Variants in KCNMA1 observed in about 807,000 individuals in gnomAD.
KCNMA1 encodes Calcium-activated potassium channel subunit alpha-1.
A neutral mutation model predicts 140.0 loss-of-function variants in KCNMA1; 29 were observed. The ratio of observed to expected loss-of-function variants is 0.21; its 90% CI spans 0.15 to 0.28. The LOEUF (loss-of-function observed/expected upper bound fraction) is 0.28. Ranked by LOEUF, KCNMA1 falls within the 10% of genes least tolerant of loss-of-function variation. The probability of loss-of-function intolerance (pLI) is 1.00; values close to 1 mark genes in which losing one functional copy is unlikely to be tolerated. For missense variants in KCNMA1, 880 were observed against 1,602.2 expected (o/e 0.55, Z 7.70); for synonymous variants, 612 against 611.9 (o/e 1.00, Z 0.00).
At chr10:77,327,033 C>A (rs2154361362) in intron 2 of KCNMA1, among the ~76,000 whole-genome samples, 1 of 152,256 alleles carries the variant, frequency 6.6e-6, no homozygotes, top group Non-Finnish European at 1.5e-5. Flanking sequence ...ATCCAACCAA[C>A]AGAACGCCAG....
In KCNMA1 at chr10:77,463,997, A is replaced by C. The variant is rs1434068126; in HGVS notation, c.379-59974T>G. 3.3e-5 allele frequency among the ~76,000 whole-genome samples: 5 copies of C among 152,134 alleles called. No homozygotes were observed. In the East Asian group the frequency reaches 9.6e-4, roughly 29 times the overall value. On this transcript the variant is annotated intron_variant, in intron 1 of 27. Coordinates refer to ENST00000286628, the MANE Select transcript of KCNMA1 (RefSeq NM_001161352.2). ...TCTGCATCACCAGGGCTCTCATCAGAAAAACAGAATCTCAGACCCCACCCT... is the reference window on the plus strand; with the variant it reads ...TCTGCATCACCAGGGCTCTCATCAGCAAAACAGAATCTCAGACCCCACCCT...
At chr10:76,967,208 C>A (rs1180927758) in intron 20 of KCNMA1, among the ~76,000 whole-genome samples, 2 of 152,164 alleles carry the variant, frequency 1.3e-5, no homozygotes, top group African/African-American at 4.8e-5. Flanking sequence ...CTAAAACCTG[C>A]CCGCATTCAG....
chr10:77,037,719 C>T (rs952118265), intron 15 of KCNMA1, among the ~76,000 whole-genome samples: 1 of 152,200 alleles, frequency 6.6e-6, no homozygotes, highest in Non-Finnish European at 1.5e-5. Context: ...CCCGCAGGCG[C>T]TGGCAGCTCT....
chr10:77,392,474 C>A (rs1258717334), intron 2 of KCNMA1, among the ~76,000 whole-genome samples: 1 of 152,222 alleles, frequency 6.6e-6, no homozygotes, highest in African/African-American at 2.4e-5. Context: ...TGACTTATCA[C>A]TAAACCCTAC....
intron 19 of KCNMA1, among the ~76,000 whole-genome samples, chr10:76,985,435 C>A (rs182637321): frequency 1.5e-3 from 222 of 152,322 alleles, no homozygotes; most frequent in Non-Finnish European, 2.7e-3. Context: ...TTAGAGGAAA[C>A]TATTTTGCAG....
intron 1 of KCNMA1, among the ~76,000 whole-genome samples, chr10:77,460,880 C>T (rs954031008): frequency 6.6e-6 from 1 of 152,030 alleles, no homozygotes; most frequent in South Asian, 2.1e-4. Context: ...CCGAGGTGGG[C>T]GGATCACCTG....
intron 1 of KCNMA1, among the ~76,000 whole-genome samples, chr10:77,539,242 T>C (rs937811714): frequency 1.1e-3 from 168 of 152,352 alleles, no homozygotes; most frequent in African/African-American, 3.9e-3. Context: ...GCTAGCATGA[T>C]AGGTACTAAC....
intron 15 of KCNMA1, among the ~76,000 whole-genome samples, chr10:77,031,949 A>C (rs986253706): frequency 2.6e-5 from 4 of 152,230 alleles, no homozygotes; most frequent in African/African-American, 9.6e-5. Flanking sequence ...CAAACTAGGA[A>C]AGTCTATGCA....
chr10:77,266,685 C>T (rs1182625835), intron 2 of KCNMA1, among the ~76,000 whole-genome samples: 3 of 152,142 alleles, frequency 2.0e-5, no homozygotes, highest in Admixed American at 2.0e-4. Context: ...CTACTTCACC[C>T]AAGGGACCTC....
chr10:77,588,735 G>A (rs986345045), intron 1 of KCNMA1, among the ~76,000 whole-genome samples: 5 of 152,352 alleles, frequency 3.3e-5, no homozygotes, highest in Middle Eastern at 3.4e-3. Flanking sequence ...GGAGCACAAA[G>A]TGGCCAAACA....
chr10:77,436,474 G>A (rs2097264450), intron 1 of KCNMA1, among the ~76,000 whole-genome samples: 1 of 152,382 alleles, frequency 6.6e-6, no homozygotes, highest in African/African-American at 2.4e-5. Context: ...AAAACTTGCA[G>A]AGAAAGGAAG....
intron 1 of KCNMA1, among the ~76,000 whole-genome samples, chr10:77,531,590 C>T (rs545645239): frequency 3.0e-4 from 46 of 152,326 alleles, no homozygotes; most frequent in African/African-American, 1.0e-3. Flanking sequence ...TGTGCATGTG[C>T]GTGACTCAGC....
At position 76,885,046 on chromosome 10, in the gene KCNMA1, T is replaced by A; in HGVS notation, c.*2220A>T. 6.5e-7 allele frequency: 1 copy of A among 1,547,596 alleles called. No individual in the cohort carries two copies. Among genetic ancestry groups the A allele is most frequent in the Non-Finnish European group, 8.7e-7 (1 of 1,145,656 alleles). ...TAGAGAGAGAAGTAAGCTATGTGAG[T>A]TTTACAATGCTTTTAAACTGTCATA... On this transcript the variant is annotated 3_prime_UTR_variant, in exon 28 of 28. Transcript: ENST00000286628.
At chr10:77,254,844 G>C (rs1264659338) in intron 2 of KCNMA1, among the ~76,000 whole-genome samples, 1 of 152,166 alleles carries the variant, frequency 6.6e-6, no homozygotes, top group East Asian at 1.9e-4. Flanking sequence ...GGTAAAATGA[G>C]GCCAAGGAAA....
chr10:77,373,350 G>A (rs2154417033), intron 2 of KCNMA1, among the ~76,000 whole-genome samples: 1 of 152,312 alleles, frequency 6.6e-6, no homozygotes, highest in South Asian at 2.1e-4. Context: ...TCTGGACTCA[G>A]TTTCTTCAAC....
intron 2 of KCNMA1, among the ~76,000 whole-genome samples, chr10:77,252,373 C>A (rs1402054153): frequency 6.6e-6 from 1 of 152,192 alleles, no homozygotes; most frequent in Admixed American, 6.5e-5. Context: ...GCTAGGTCAA[C>A]CTTTCCAGGT....
intron 3 of KCNMA1, among the ~76,000 whole-genome samples, chr10:77,241,601 T>C (rs1344998315): frequency 6.6e-6 from 1 of 151,980 alleles, no homozygotes; most frequent in Non-Finnish European, 1.5e-5. Flanking sequence ...TGAGCCATGA[T>C]TGCACCACTG....
intron 1 of KCNMA1, among the ~76,000 whole-genome samples, chr10:77,472,233 C>T (rs958265388): frequency 1.3e-5 from 2 of 151,442 alleles, no homozygotes; most frequent in Admixed American, 1.3e-4. Flanking sequence ...ACTATACATA[C>T]ATCACATAGA....
Position 77,081,994 on chromosome 10 carries a change from CTTT to C in KCNMA1, c.1524-2447_1524-2445del, listed in dbSNP as rs1470602558. On this transcript the variant is annotated intron_variant, in intron 12 of 27. Coordinates refer to ENST00000286628, the MANE Select transcript of KCNMA1 (RefSeq NM_001161352.2). ...TGATACTACCTTTGACCAGTAATTTCTTTTTTTCTTTTCTTTTTTTTTTTTTTT... is the reference window on the plus strand; with the variant it reads ...TGATACTACCTTTGACCAGTAATTTCTTTTCTTTTCTTTTTTTTTTTTTTT... Among the ~76,000 whole-genome samples the C allele has an allele frequency of 2.9e-5, 2 of 68,528 alleles. 1 individual carries two copies. Among genetic ancestry groups the C allele is most frequent in the Non-Finnish European group, 5.5e-5 (2 of 36,076 alleles). The allele number at this position is 68,528 out of a possible 152,430, so 45.0% of individuals were successfully genotyped here.
Sources: gnomAD v4.1 joint callset for allele counts (sites outside exome capture counted in the v4.1 genomes callset) on GRCh38, gnomAD v4.1.1 for gene constraint, MANE v1.5 for transcripts, NCBI Gene and HGNC (gene_info 2026-07-23, HGNC 2026-07-21) for gene names.